Variants in SLC24A3 observed in about 807,000 individuals in gnomAD.
SLC24A3 encodes solute carrier family 24 member 3, also known as sodium/potassium/calcium exchanger 3.
A neutral mutation model predicts 75.8 loss-of-function variants in SLC24A3; 28 were observed. The observed-to-expected ratio is 0.37, with a 90% CI of 0.27 to 0.51. The LOEUF (loss-of-function observed/expected upper bound fraction) is 0.51, where lower values mean the gene tolerates loss of function less well. Among genes scored for constraint, SLC24A3 ranks in the 20% least tolerant of loss-of-function variants. SLC24A3 has a pLI of 0.94. For synonymous variants in SLC24A3, 372 were observed against 334.1 expected (o/e 1.11, Z -1.24); for missense variants, 663 against 847.8 (o/e 0.78, Z 2.71).
chr20:19,424,745 C>CAAAAAAAA (rs528342351), intron 2 of SLC24A3, among the ~76,000 whole-genome samples: 10 of 49,140 alleles, frequency 2.0e-4, no homozygotes, highest in African/African-American at 2.3e-4. Context: ...AAAACAACAA[C>CAAAAAAAA]AAAAAAAAAA....
chr20:19,452,805 AG>A (rs1987510118), intron 2 of SLC24A3, among the ~76,000 whole-genome samples: 1 of 152,136 alleles, frequency 6.6e-6, no homozygotes, highest in Admixed American at 6.5e-5. Flanking sequence ...AGTTGAGGCC[AG>A]GAGTTTAAGC....
intron 2 of SLC24A3, among the ~76,000 whole-genome samples, chr20:19,349,896 C>T (rs922426475): frequency 2.0e-5 from 3 of 152,196 alleles, no homozygotes; most frequent in African/African-American, 7.2e-5. Flanking sequence ...TTTGCCTACA[C>T]AGGTTACCAC....
At chr20:19,455,298 G>C (rs1987559551) in intron 2 of SLC24A3, among the ~76,000 whole-genome samples, 1 of 152,160 alleles carries the variant, frequency 6.6e-6, no homozygotes, top group Non-Finnish European at 1.5e-5. Context: ...TGGGTTGATT[G>C]ATCTTATGAC....
In SLC24A3 at chr20:19,306,824, A is replaced by C. The variant is rs569898624; in HGVS notation, c.271+25737A>C. On this transcript the variant is annotated intron_variant, in intron 2 of 16. Transcript: ENST00000328041. ...CAACACACAATTTACCCATGCAATA[A>C]ACCTGCACATGTACCCGCAGAGTCT... Among the ~76,000 whole-genome samples, 5 of 152,332 alleles carry C rather than the reference A, an allele frequency of 3.3e-5. No homozygotes were observed. In the South Asian group the frequency reaches 1.0e-3, roughly 32 times the overall value.
intron 6 of SLC24A3, among the ~76,000 whole-genome samples, chr20:19,652,639 T>C (rs2032220502): frequency 6.6e-6 from 1 of 152,238 alleles, no homozygotes. Flanking sequence ...TAAGTGTTCA[T>C]ATAGGAAGTG....
intron 2 of SLC24A3, among the ~76,000 whole-genome samples, chr20:19,458,202 C>T (rs546676027): frequency 2.6e-5 from 4 of 152,204 alleles, no homozygotes; most frequent in Admixed American, 6.5e-5. Flanking sequence ...CACACACGTA[C>T]GTCTATGTTC....
At chr20:19,440,481 T>G (rs1402653768) in intron 2 of SLC24A3, among the ~76,000 whole-genome samples, 1 of 152,162 alleles carries the variant, frequency 6.6e-6, no homozygotes, top group African/African-American at 2.4e-5. Flanking sequence ...CTACGGTGTT[T>G]CCTAGCAAGG....
At chr20:19,450,774 G>T (rs184240139) in intron 2 of SLC24A3, among the ~76,000 whole-genome samples, 27 of 152,262 alleles carry the variant, frequency 1.8e-4, no homozygotes, top group Admixed American at 7.2e-4. Flanking sequence ...CGAGATGGGT[G>T]GATCACTTGA....
chr20:19,359,511 G>T (rs1272689634), intron 2 of SLC24A3, among the ~76,000 whole-genome samples: 1 of 152,190 alleles, frequency 6.6e-6, no homozygotes, highest in Non-Finnish European at 1.5e-5. Flanking sequence ...GTGATGGGAG[G>T]TGGGTAAAGT....
At chr20:19,504,385 G>T (rs1447258607) in intron 2 of SLC24A3, among the ~76,000 whole-genome samples, 1 of 152,138 alleles carries the variant, frequency 6.6e-6, no homozygotes, top group Non-Finnish European at 1.5e-5. Context: ...CATTTAGCAT[G>T]CACACTTCAC....
Position 19,274,773 on chromosome 20 carries a change from A to C in SLC24A3, c.143-6186A>C, listed in dbSNP as rs1488311355. Among the ~76,000 whole-genome samples the C allele has an allele frequency of 7.2e-5, 11 of 152,158 alleles. 1 individual carries two copies. On this transcript the variant is annotated intron_variant, in intron 1 of 16. Coordinates refer to ENST00000328041, the MANE Select transcript of SLC24A3 (RefSeq NM_020689.4). ...ATTTGGAGAGCAGTGCTGCTCACTCAAGTCTGCAGAAGGCGTCCGCTGGCT... is the reference window on the plus strand; with the variant it reads ...ATTTGGAGAGCAGTGCTGCTCACTCCAGTCTGCAGAAGGCGTCCGCTGGCT...
At chr20:19,219,294 C>A (rs1449284979) in intron 1 of SLC24A3, among the ~76,000 whole-genome samples, 5 of 152,156 alleles carry the variant, frequency 3.3e-5, no homozygotes, top group African/African-American at 1.2e-4. Context: ...CCCTTGTAGG[C>A]TGTTCCTTCA....
At chr20:19,327,437 G>T (rs1209740552) in intron 2 of SLC24A3, among the ~76,000 whole-genome samples, 7 of 152,204 alleles carry the variant, frequency 4.6e-5, no homozygotes, top group Admixed American at 4.6e-4. Context: ...ACAGACTCTT[G>T]CCAGAATAAA....
chr20:19,260,003 A>G (rs1326793125), intron 1 of SLC24A3, among the ~76,000 whole-genome samples: 3 of 152,232 alleles, frequency 2.0e-5, no homozygotes, highest in Non-Finnish European at 4.4e-5. Context: ...ATGCCCTGAG[A>G]TTAAGGTAGC....
intron 6 of SLC24A3, among the ~76,000 whole-genome samples, chr20:19,613,098 C>A (rs1383701739): frequency 6.6e-6 from 1 of 152,196 alleles, no homozygotes; most frequent in South Asian, 2.1e-4. Context: ...TTGTGGTCAC[C>A]CTACTCACAT....
intron 2 of SLC24A3, among the ~76,000 whole-genome samples, chr20:19,328,231 G>A (rs1332725476): frequency 6.6e-6 from 1 of 151,896 alleles, no homozygotes; most frequent in African/African-American, 2.4e-5. Context: ...AGGAGGAGAG[G>A]AGTTGGAGGG....
chr20:19,333,334 A>G (rs1985043981), intron 2 of SLC24A3, among the ~76,000 whole-genome samples: 3 of 152,282 alleles, frequency 2.0e-5, no homozygotes, highest in Admixed American at 6.5e-5. Flanking sequence ...GCCCTAATGC[A>G]TCTGTTCATT....
intron 3 of SLC24A3, among the ~76,000 whole-genome samples, chr20:19,569,130 G>A (rs1401211264): frequency 6.6e-6 from 1 of 152,220 alleles, no homozygotes; most frequent in Non-Finnish European, 1.5e-5. Context: ...TAATGGGCCT[G>A]CCCTTCCCTG....
intron 1 of SLC24A3, among the ~76,000 whole-genome samples, chr20:19,262,960 G>A (rs149798380): frequency 1.6e-4 from 24 of 152,014 alleles, no homozygotes; most frequent in Middle Eastern, 3.4e-3. Context: ...TGGAGTGACC[G>A]TATGGGATTC....
Sources: gnomAD v4.1 joint callset for allele counts (sites outside exome capture counted in the v4.1 genomes callset) on GRCh38, gnomAD v4.1.1 for gene constraint, MANE v1.5 for transcripts, NCBI Gene and HGNC (gene_info 2026-07-23, HGNC 2026-07-21) for gene names.